PPP2R3A: variants seen among roughly 807,000 people sequenced by gnomAD.
PPP2R3A encodes the protein serine/threonine-protein phosphatase 2A regulatory subunit B'' subunit alpha.
Under a neutral mutation model 106.9 loss-of-function variants are expected in PPP2R3A, and 80 were observed. The ratio of observed to expected loss-of-function variants is 0.75; its 90% CI spans 0.62 to 0.90. The LOEUF (loss-of-function observed/expected upper bound fraction) is 0.90, where lower values mean the gene tolerates loss of function less well. Among genes scored for constraint, PPP2R3A ranks in the 40% least tolerant of loss-of-function variants. The pLI, the probability that PPP2R3A is intolerant of heterozygous loss-of-function variation, is 0.00. For synonymous variants in PPP2R3A, 483 were observed against 468.3 expected (o/e 1.03, Z -0.41); for missense variants, 1,386 against 1,350.4 (o/e 1.03, Z -0.41).
At chr3:135,979,336 G>A (rs769410133) in intron 1 of PPP2R3A, among the ~76,000 whole-genome samples, 2 of 150,954 alleles carry the variant, frequency 1.3e-5, no homozygotes, top group South Asian at 2.1e-4. Flanking sequence ...CCGAGATTGC[G>A]CCACTGCTCT....
rs549407627 is a variant in PPP2R3A, at chr3:136,089,974, A to G, written c.2838-604A>G. 3.9e-5 allele frequency among the ~76,000 whole-genome samples: 6 copies of G among 152,308 alleles called. No homozygotes were observed. The South Asian group carries it at 1.2e-3, about 32-fold the overall frequency. On this transcript the variant is annotated intron_variant, in intron 9 of 13. Coordinates refer to ENST00000264977, the MANE Select transcript of PPP2R3A (RefSeq NM_002718.5). The stretch of plus-strand genomic sequence containing the variant: ...ATTGATTTTGTATCCCGAAACTTTA[A>G]TGAAATTATTATTAGTTCTGAAAGC...
chr3:136,055,452 T>TA lies in PPP2R3A; in HGVS notation c.2469+6094dup, dbSNP rs1464522849. ...ATGCAAATGCTTAAGGCACAAAGTG[T>TA]AAATGTGAAGACACAGCTCTTTCTG... On this transcript the variant is annotated intron_variant, in intron 5 of 13. Coordinates refer to ENST00000264977, the MANE Select transcript of PPP2R3A (RefSeq NM_002718.5). 3 of 1,115,908 alleles carry TA rather than the reference T, an allele frequency of 2.7e-6. No homozygotes were observed. The African/African-American group carries it at 4.6e-5, about 17-fold the overall frequency. 69.1% of individuals were successfully genotyped at this position (1,115,908 alleles called of 1,614,324 possible).
intron 1 of PPP2R3A, among the ~76,000 whole-genome samples, chr3:136,000,833 A>G (rs1404393935): frequency 6.6e-6 from 1 of 152,180 alleles, no homozygotes; most frequent in Non-Finnish European, 1.5e-5. Flanking sequence ...TGCAATAAGA[A>G]ATTCATCTCA....
At position 136,147,203 on chromosome 3, in the gene PPP2R3A, C is replaced by T. The variant is rs1939172454; in HGVS notation, c.*2037C>T. 1 of 152,044 alleles carries T rather than the reference C, an allele frequency of 6.6e-6. No individual in the cohort carries two copies. The highest frequency in any genetic ancestry group is 6.6e-5 in the Admixed American group (1 of 15,258). The allele number at this position is 152,044 out of a possible 1,614,324, so 9.4% of individuals were successfully genotyped here. A position where few individuals can be genotyped will look rare whatever the true frequency, so the allele number is the denominator to read the frequency against. On this transcript the variant is annotated 3_prime_UTR_variant, in exon 14 of 14. Transcript: ENST00000264977. ...GCAACATAGTGAGACTCCGTCTCTA[C>T]AAAAAATAAATTTAGCTGGGCATGG...
Position 136,003,209 on chromosome 3 carries a change from T to C in PPP2R3A, c.1711T>C (p.Cys571Arg), listed in dbSNP as rs1933711234. 6.2e-7 allele frequency: 1 copy of C among 1,614,004 alleles called. No individual in the cohort carries two copies. The highest frequency in any genetic ancestry group is 2.2e-5 in the East Asian group (1 of 44,864). ...SSPIEKVSPS[C>R]LTRIIETNGH... ...ACCCATAGAAAAAGTCTCACCTTCCTGTCTAACAAGGATTATTGAAACCAA... is the reference window on the plus strand; with the variant it reads ...ACCCATAGAAAAAGTCTCACCTTCCCGTCTAACAAGGATTATTGAAACCAA... The change falls in exon 2 of 14, where the codon TGT becomes CGT. Residue 571 changes from cysteine to arginine, a missense_variant. Cys to Arg is a radical substitution (Grantham distance 180, BLOSUM62 -3). Transcript: ENST00000264977.
chr3:136,012,416 C>G (rs1354027903), intron 2 of PPP2R3A, among the ~76,000 whole-genome samples: 1 of 152,144 alleles, frequency 6.6e-6, no homozygotes, highest in Non-Finnish European at 1.5e-5. Flanking sequence ...AGAATGTGTT[C>G]CCATAATTTG....
At chr3:136,075,062 A>G (rs943771580) in intron 6 of PPP2R3A, among the ~76,000 whole-genome samples, 3 of 152,140 alleles carry the variant, frequency 2.0e-5, no homozygotes, top group Admixed American at 6.5e-5. Context: ...TGTAACTTCT[A>G]TGTCTGTATT....
chr3:136,138,804 C>A (rs576615690), intron 13 of PPP2R3A, among the ~76,000 whole-genome samples: 1 of 146,218 alleles, frequency 6.8e-6, no homozygotes, highest in African/African-American at 2.5e-5. Context: ...CTCCACCTCC[C>A]AGGTTCAAGC....
rs757560086 is a variant in PPP2R3A, at chr3:136,082,400, C to T, written c.2767C>T (p.Leu923=). 5.0e-6 allele frequency: 8 copies of T among 1,613,864 alleles called. No individual in the cohort carries two copies. The highest frequency in any genetic ancestry group is 4.5e-5 in the East Asian group (2 of 44,860). ...DHDLYISQAD[L]SRYNDQASSS... ...CGACCTCTACATCAGCCAGGCCGAT[C>T]TGTCTCGATACAATGACCAGGGTAA... is the stretch of plus-strand genomic sequence containing the variant. Residue 923 remains leucine (L), a synonymous_variant, in exon 8 of 14, where the codon CTG becomes TTG. Transcript: ENST00000264977.
At chr3:136,134,338 A>G (rs1484908135) in intron 13 of PPP2R3A, among the ~76,000 whole-genome samples, 1 of 152,202 alleles carries the variant, frequency 6.6e-6, no homozygotes, top group African/African-American at 2.4e-5. Flanking sequence ...TGACTCCCTG[A>G]TAGTAATTCT....
chr3:136,009,562 A>G lies in PPP2R3A; in HGVS notation c.1995+6069A>G, dbSNP rs570490421. Among the ~76,000 whole-genome samples the G allele has an allele frequency of 7.9e-5, 12 of 152,138 alleles. 1 individual carries two copies. The South Asian group carries it at 2.5e-3, about 32-fold the overall frequency. On this transcript the variant is annotated intron_variant, in intron 2 of 13. Transcript: ENST00000264977. Reference sequence around the variant, plus strand: ...CCTTCTTCGTTCATTTTCTGGCCTTATGTTTATGTCAGTGGTTTTAAGAGT... The same window carrying G: ...CCTTCTTCGTTCATTTTCTGGCCTTGTGTTTATGTCAGTGGTTTTAAGAGT...
intron 1 of PPP2R3A, among the ~76,000 whole-genome samples, chr3:135,987,848 T>C (rs1576413697): frequency 6.6e-6 from 1 of 152,210 alleles, no homozygotes; most frequent in Admixed American, 6.5e-5. Flanking sequence ...TATTGCATGG[T>C]GCAGATATAA....
At chr3:136,025,553 T>A (rs1934616617) in intron 2 of PPP2R3A, among the ~76,000 whole-genome samples, 1 of 152,108 alleles carries the variant, frequency 6.6e-6, no homozygotes, top group Non-Finnish European at 1.5e-5. Flanking sequence ...TATGAATAAA[T>A]CTTATCTCTT....
At chr3:136,132,543 A>G (rs952152942) in intron 13 of PPP2R3A, among the ~76,000 whole-genome samples, 1 of 152,034 alleles carries the variant, frequency 6.6e-6, no homozygotes, top group Non-Finnish European at 1.5e-5. Flanking sequence ...CAAAAAGAAT[A>G]TGAAAAATAG....
intron 1 of PPP2R3A, among the ~76,000 whole-genome samples, chr3:135,993,091 A>G (rs567059663): frequency 5.9e-5 from 9 of 152,264 alleles, no homozygotes; most frequent in African/African-American, 2.2e-4. Flanking sequence ...GATTAATTGG[A>G]TTGATGAAAT....
At chr3:135,972,330 A>C (rs1937274590) in intron 1 of PPP2R3A, among the ~76,000 whole-genome samples, 2 of 152,186 alleles carry the variant, frequency 1.3e-5, no homozygotes, top group South Asian at 4.1e-4. Context: ...GCTGAATAAT[A>C]CTCCATTGTA....
rs563238134 is a variant in PPP2R3A, at chr3:136,002,033, A to C, written c.535A>C (p.Ser179Arg). The change falls in exon 2 of 14, where the codon AGT becomes CGT. Residue 179 changes from serine to arginine, a missense_variant. Coordinates refer to ENST00000264977, the MANE Select transcript of PPP2R3A (RefSeq NM_002718.5). ...GNAPSFGLLR[S>R]SSVEEKPLSH... is the part of the protein sequence containing the mutation. Reference sequence around the variant, plus strand: ...CGCCCCATCCTTTGGTTTACTGCGGAGTTCCTCAGTTGAGGAAAAACCTTT... The same window carrying C: ...CGCCCCATCCTTTGGTTTACTGCGGCGTTCCTCAGTTGAGGAAAAACCTTT... 5.3e-5 allele frequency: 85 copies of C among 1,613,998 alleles called. No individual in the cohort carries two copies. Among genetic ancestry groups the C allele is most frequent in the Admixed American group, 3.5e-4 (21 of 59,994 alleles).
At chr3:136,004,184 A>G (rs540306119) in intron 2 of PPP2R3A, among the ~76,000 whole-genome samples, 1 of 152,338 alleles carries the variant, frequency 6.6e-6, no homozygotes, top group East Asian at 1.9e-4. Flanking sequence ...TTTTTAATCC[A>G]TCCCCCTACT....
chr3:136,097,404 A>G (rs1937241835), intron 10 of PPP2R3A, among the ~76,000 whole-genome samples: 3 of 152,224 alleles, frequency 2.0e-5, no homozygotes. Flanking sequence ...TATTCAGAGA[A>G]TTATATCTGT....
Sources: allele counts gnomAD v4.1 joint callset (sites outside exome capture counted in the v4.1 genomes callset), GRCh38; gene constraint gnomAD v4.1.1; transcripts MANE v1.5; gene names NCBI Gene and HGNC (gene_info 2026-07-23, HGNC 2026-07-21).